THADA: variants seen among roughly 807,000 people sequenced by gnomAD.
The protein encoded by THADA is tRNA (32-2'-O)-methyltransferase regulator THADA.
Under a neutral mutation model 219.8 loss-of-function variants are expected in THADA, and 213 were observed. The ratio of observed to expected loss-of-function variants is 0.97; its 90% CI spans 0.87 to 1.09. THADA has a LOEUF of 1.09. Among genes scored for constraint, THADA ranks in the 50% least tolerant of loss-of-function variants. The pLI, the probability that THADA is intolerant of heterozygous loss-of-function variation, is 0.00. For missense variants in THADA, 2,956 were observed against 2,311.3 expected (o/e 1.28, Z -5.72); for synonymous variants, 1,018 against 828.9 (o/e 1.23, Z -3.92).
intron 28 of THADA, among the ~76,000 whole-genome samples, chr2:43,410,216 A>ATTTC (rs1676111141): frequency 6.6e-6 from 1 of 152,232 alleles, no homozygotes; most frequent in Admixed American, 6.5e-5. Flanking sequence ...CTCACTAGAA[A>ATTTC]GGCTAAAGTT....
intron 30 of THADA, among the ~76,000 whole-genome samples, chr2:43,340,083 G>T (rs973519705): frequency 2.4e-4 from 37 of 152,092 alleles, no homozygotes; most frequent in African/African-American, 8.5e-4. Context: ...CTCTCATTTC[G>T]TTTCTGGTCT....
intron 33 of THADA, 110 bp from the exon 34 acceptor site, chr2:43,291,878 C>G (rs932771843): frequency 1.7e-5 from 17 of 1,010,834 alleles, no homozygotes; most frequent in Non-Finnish European, 2.3e-5. Flanking sequence ...TACTGAAAAT[C>G]TCTACCTCCT....
intron 26 of THADA, among the ~76,000 whole-genome samples, chr2:43,437,089 C>T (rs1205543883): frequency 2.0e-5 from 3 of 152,144 alleles, no homozygotes; most frequent in Admixed American, 1.3e-4. Flanking sequence ...GTTACTCCTG[C>T]TATAAGAGTC....
intron 4 of THADA, among the ~76,000 whole-genome samples, chr2:43,590,592 C>T (rs1226606305): frequency 1.3e-5 from 2 of 149,268 alleles, no homozygotes; most frequent in Admixed American, 1.4e-4. Context: ...TGACAGTGAG[C>T]CAAGATCGCA....
At chr2:43,467,449 G>A (rs1684396755) in intron 26 of THADA, among the ~76,000 whole-genome samples, 1 of 152,140 alleles carries the variant, frequency 6.6e-6, no homozygotes, top group African/African-American at 2.4e-5. Context: ...GCCCTTTGTA[G>A]CACTTAAGGT....
chr2:43,375,729 C>T (rs542810208), intron 29 of THADA, among the ~76,000 whole-genome samples: 22 of 152,320 alleles, frequency 1.4e-4, no homozygotes, highest in African/African-American at 4.1e-4. Flanking sequence ...GTTATTCTGA[C>T]TTTCCTCTGC....
intron 17 of THADA, among the ~76,000 whole-genome samples, chr2:43,555,736 T>C (rs561872211): frequency 1.3e-5 from 2 of 152,074 alleles, no homozygotes; most frequent in Admixed American, 6.6e-5. Context: ...ATCCTGGAAA[T>C]AATAATTTTT....
rs1221470750 is a variant in THADA at position 43,574,338 on chromosome 2, G to A, written c.1727C>T (p.Thr576Ile). 1.9e-6 allele frequency: 3 copies of A among 1,548,090 alleles called. No homozygotes were observed. The highest frequency in any genetic ancestry group is 2.3e-5 in the East Asian group (1 of 44,290). Residue 576 changes from threonine (T) to isoleucine (I), a missense_variant and splice_region_variant, in exon 11 of 38, where the codon ACT (threonine) becomes ATT (isoleucine). Coordinates refer to ENST00000405975, the MANE Select transcript of THADA (RefSeq NM_022065.5). ...AAACAAAAATGCATTTTTCTTACCA[G>A]TTTTAGCATCAATAGAAGTCTGAAG... ...KILQTSIDAK[T>I]GQEQSFPSLG... is the part of the protein sequence containing the mutation.
intron 26 of THADA, among the ~76,000 whole-genome samples, chr2:43,432,572 CAT>C (rs899445845): frequency 1.3e-5 from 2 of 151,344 alleles, no homozygotes; most frequent in Non-Finnish European, 2.9e-5. Flanking sequence ...AAAACTGTAA[CAT>C]GTCTAACCAT....
chr2:43,527,124 T>C (rs1693260495), intron 22 of THADA, among the ~76,000 whole-genome samples: 1 of 152,242 alleles, frequency 6.6e-6, no homozygotes, highest in South Asian at 2.1e-4. Flanking sequence ...AAGGAATAGA[T>C]GTCTTAACAG....
intron 22 of THADA, among the ~76,000 whole-genome samples, chr2:43,520,862 C>G (rs1039301105): frequency 1.4e-5 from 2 of 145,532 alleles, no homozygotes; most frequent in African/African-American, 5.1e-5. Flanking sequence ...CAATCAGAAC[C>G]TAGAAAGCAG....
chr2:43,437,382 C>G (rs1175265178), intron 26 of THADA, among the ~76,000 whole-genome samples: 1 of 152,170 alleles, frequency 6.6e-6, no homozygotes, highest in Non-Finnish European at 1.5e-5. Flanking sequence ...GAGTTTCTAC[C>G]ATAGACCCTG....
intron 26 of THADA, among the ~76,000 whole-genome samples, chr2:43,471,701 T>G (rs1684924188): frequency 6.6e-6 from 1 of 152,224 alleles, no homozygotes; most frequent in Non-Finnish European, 1.5e-5. Flanking sequence ...AACACTTACT[T>G]GAGTTATACT....
chr2:43,548,985 G>A (rs1696424024), intron 20 of THADA, among the ~76,000 whole-genome samples: 1 of 152,196 alleles, frequency 6.6e-6, no homozygotes, highest in Non-Finnish European at 1.5e-5. Flanking sequence ...GCTGTAGACT[G>A]GAGCTGTTCC....
intron 21 of THADA, 115 bp from the exon 22 acceptor site, chr2:43,528,103 C>G (rs1027076988): frequency 4.9e-5 from 28 of 566,320 alleles, no homozygotes; most frequent in Non-Finnish European, 7.4e-5. Flanking sequence ...TAGCGCTTAC[C>G]ATATGACAGA....
At chr2:43,531,509 T>C (rs1004145403) in intron 21 of THADA, among the ~76,000 whole-genome samples, 6 of 152,152 alleles carry the variant, frequency 3.9e-5, no homozygotes, top group Non-Finnish European at 5.9e-5. Flanking sequence ...AAATGACTAG[T>C]GGGCTTGGCA....
chr2:43,464,281 T>A (rs1198286445), intron 26 of THADA, among the ~76,000 whole-genome samples: 1 of 152,014 alleles, frequency 6.6e-6, no homozygotes, highest in Non-Finnish European at 1.5e-5. Flanking sequence ...TTTGCTTCTA[T>A]CCATTAATAC....
chr2:43,342,690 A>G (rs924387095), intron 30 of THADA, among the ~76,000 whole-genome samples: 4 of 152,222 alleles, frequency 2.6e-5, no homozygotes, highest in African/African-American at 9.6e-5. Flanking sequence ...GACATTTGTT[A>G]TAATACTTAA....
At position 43,541,001 on chromosome 2, in the gene THADA, T is replaced by A. The variant is rs546662403; in HGVS notation, c.3264+158A>T. 2.0e-5 allele frequency among the ~76,000 whole-genome samples: 3 copies of A among 152,340 alleles called. No homozygotes were observed. In the South Asian group the frequency reaches 6.2e-4, roughly 32 times the overall value. On this transcript the variant is annotated intron_variant, in intron 21 of 37. Transcript: ENST00000405975. Reference sequence around the variant, plus strand: ...CACAGTTTTGAAATGTATTATAAAGTCTAACATTCTAAATTACCATGAACT... The same window carrying A: ...CACAGTTTTGAAATGTATTATAAAGACTAACATTCTAAATTACCATGAACT...
Sources: allele counts gnomAD v4.1 joint callset (sites outside exome capture counted in the v4.1 genomes callset), GRCh38; gene constraint gnomAD v4.1.1; transcripts MANE v1.5; gene names NCBI Gene and HGNC (gene_info 2026-07-23, HGNC 2026-07-21).